Variants in GRK5 observed in about 807,000 individuals in gnomAD.
The protein encoded by GRK5 is g protein-coupled receptor kinase GRK5.
A neutral mutation model predicts 78.4 loss-of-function variants in GRK5; 40 were observed. The observed-to-expected ratio is 0.51, with a 90% CI of 0.40 to 0.66. GRK5 has a LOEUF of 0.66. Ranked by LOEUF, GRK5 falls within the 30% of genes least tolerant of loss-of-function variation. GRK5 has a pLI of 0.00. For synonymous variants in GRK5, 289 were observed against 296.8 expected, an observed-to-expected ratio of 0.97 and a Z score of 0.27; for missense variants, 598 against 759.9, an observed-to-expected ratio of 0.79 and a Z score of 2.50.
intron 1 of GRK5, among the ~76,000 whole-genome samples, chr10:119,308,758 C>T (rs1333173371): frequency 6.6e-6 from 1 of 152,252 alleles, no homozygotes; most frequent in Non-Finnish European, 1.5e-5. Flanking sequence ...TCGCTCCTGA[C>T]CCCCAGGCCA....
At chr10:119,227,603 A>G (rs140096946) in intron 1 of GRK5, among the ~76,000 whole-genome samples, 48 of 152,146 alleles carry the variant, frequency 3.2e-4, no homozygotes, top group African/African-American at 1.2e-3. Context: ...AAACAAACAA[A>G]CATGGTAGCC....
chr10:119,357,259 TG>T (rs1364025442), intron 2 of GRK5, among the ~76,000 whole-genome samples: 1 of 152,132 alleles, frequency 6.6e-6, no homozygotes, highest in Non-Finnish European at 1.5e-5. Flanking sequence ...AAGTCACAAA[TG>T]GGGGGTAGGG....
intron 4 of GRK5, among the ~76,000 whole-genome samples, chr10:119,408,039 T>G (rs1852271003): frequency 6.6e-6 from 1 of 151,816 alleles, no homozygotes; most frequent in Non-Finnish European, 1.5e-5. Flanking sequence ...GGTGGATGCC[T>G]GTATTCCCAG....
chr10:119,261,662 C>G (rs1006225452), intron 1 of GRK5, among the ~76,000 whole-genome samples: 2 of 152,224 alleles, frequency 1.3e-5, no homozygotes, highest in African/African-American at 2.4e-5. Context: ...CTCGGGAGGC[C>G]GAGGCTGGCG....
intron 2 of GRK5, among the ~76,000 whole-genome samples, chr10:119,339,721 A>G (rs949246489): frequency 6.6e-6 from 1 of 152,118 alleles, no homozygotes; most frequent in Non-Finnish European, 1.5e-5. Context: ...GGCGAAACCT[A>G]GTCTCTACTA....
intron 3 of GRK5, among the ~76,000 whole-genome samples, chr10:119,393,560 G>T (rs552176530): frequency 6.6e-6 from 1 of 152,336 alleles, no homozygotes; most frequent in Admixed American, 6.5e-5. Context: ...TTTGCCCAGG[G>T]CCTGCGTCCT....
intron 1 of GRK5, among the ~76,000 whole-genome samples, chr10:119,214,049 A>G (rs867937758): frequency 1.2e-4 from 19 of 152,354 alleles, no homozygotes; most frequent in Middle Eastern, 3.4e-3. Flanking sequence ...GTCTGGGCTC[A>G]CTGCAACCTC....
At chr10:119,369,929 T>C (rs922921440) in intron 2 of GRK5, among the ~76,000 whole-genome samples, 1 of 151,800 alleles carries the variant, frequency 6.6e-6, no homozygotes, top group Non-Finnish European at 1.5e-5. Context: ...ACCCAGCCAG[T>C]TCTTTGCCCA....
intron 2 of GRK5, among the ~76,000 whole-genome samples, chr10:119,341,481 C>T (rs575677673): frequency 1.3e-5 from 2 of 152,338 alleles, no homozygotes; most frequent in South Asian, 4.1e-4. Context: ...ACTTCCCTAA[C>T]CCTGCTTGGT....
rs568766848 is a variant in GRK5, at chr10:119,354,390, A to G, written c.149-26425A>G. Among the ~76,000 whole-genome samples, 3 of 136,010 alleles carry G rather than the reference A, an allele frequency of 2.2e-5. No individual in the cohort carries two copies. The East Asian group carries it at 6.2e-4, about 28-fold the overall frequency. The allele number at this position is 136,010 out of a possible 152,430, so 89.2% of individuals were successfully genotyped here. A position where few individuals can be genotyped will look rare whatever the true frequency, so the allele number is the denominator to read the frequency against. ...ACATAACTGCAACTTTGTGCCCTAC[A>G]TCTCCTTTTTTTTTTTTTTTTTTTT... On this transcript the variant is annotated intron_variant, in intron 2 of 15. Coordinates refer to ENST00000392870, the MANE Select transcript of GRK5 (RefSeq NM_005308.3).
At chr10:119,420,491 T>C (rs1852549949) in intron 4 of GRK5, among the ~76,000 whole-genome samples, 1 of 152,010 alleles carries the variant, frequency 6.6e-6, no homozygotes, top group Admixed American at 6.5e-5. Flanking sequence ...AATATATCAT[T>C]TCTGTCTTAC....
intron 1 of GRK5, among the ~76,000 whole-genome samples, chr10:119,280,867 C>T (rs1449127350): frequency 6.6e-6 from 1 of 151,742 alleles, no homozygotes; most frequent in East Asian, 1.9e-4. Flanking sequence ...GCAACCTCTG[C>T]CTCCCGGGTT....
chr10:119,262,748 T>TCC (rs1380927640), intron 1 of GRK5, among the ~76,000 whole-genome samples: 1 of 152,168 alleles, frequency 6.6e-6, no homozygotes, highest in Admixed American at 6.5e-5. Context: ...TCGAGTAGCA[T>TCC]TGGACAGGGA....
intron 1 of GRK5, among the ~76,000 whole-genome samples, chr10:119,300,582 T>C (rs1395139590): frequency 6.6e-6 from 1 of 152,140 alleles, no homozygotes; most frequent in Non-Finnish European, 1.5e-5. Context: ...AATGCATAGA[T>C]CTGGGACAGA....
chr10:119,331,132 C>T (rs1205655837), intron 2 of GRK5, among the ~76,000 whole-genome samples: 1 of 152,196 alleles, frequency 6.6e-6, no homozygotes, highest in African/African-American at 2.4e-5. Flanking sequence ...ACCACCCCCC[C>T]GCCGCGACCA....
chr10:119,223,199 G>A (rs977789305), intron 1 of GRK5, among the ~76,000 whole-genome samples: 1 of 152,146 alleles, frequency 6.6e-6, no homozygotes, highest in Non-Finnish European at 1.5e-5. Flanking sequence ...TTCCTCTTGT[G>A]CATCTGTCCC....
At position 119,430,287 on chromosome 10, in the gene GRK5, A is replaced by G. The variant is rs1470407564; in HGVS notation, c.534-88A>G. ...TGTGGGGCTCCTGGAATTATACCCC[A>G]CCCCAGCTGCTCTCAATGTGCCACT... On this transcript the variant is annotated intron_variant, in intron 6 of 15. Transcript: ENST00000392870. The surrounding 1 kb of genome is among the most constrained non-coding windows in gnomAD (Gnocchi z 4.5). 7 of 1,153,898 alleles carry G rather than the reference A, an allele frequency of 6.1e-6. No individual in the cohort carries two copies. The highest frequency in any genetic ancestry group is 9.1e-6 in the Non-Finnish European group (7 of 767,922). 71.5% of individuals were successfully genotyped at this position (1,153,898 alleles called of 1,614,324 possible).
intron 2 of GRK5, among the ~76,000 whole-genome samples, chr10:119,358,768 G>A (rs1851308098): frequency 6.6e-6 from 1 of 152,158 alleles, no homozygotes; most frequent in African/African-American, 2.4e-5. Context: ...CCACAGAGTG[G>A]GCGGCTTAGA....
At chr10:119,212,148 C>G (rs75856646) in intron 1 of GRK5, among the ~76,000 whole-genome samples, 1,794 of 152,122 alleles carry the variant, frequency 0.012, 37 homozygotes, top group African/African-American at 0.04. Context: ...TTAAATCAAA[C>G]TGCCTTTCTT....
Sources: allele counts gnomAD v4.1 joint callset (sites outside exome capture counted in the v4.1 genomes callset), GRCh38; gene constraint gnomAD v4.1.1; non-coding constraint Gnocchi (gnomAD v3.1); transcripts MANE v1.5; gene names NCBI Gene and HGNC (gene_info 2026-07-23, HGNC 2026-07-21).